Variants in TBC1D32 observed in about 807,000 individuals in gnomAD.
The protein encoded by TBC1D32 is TBC1 domain family member 32, also known as protein broad-minded.
TBC1D32 carries 151 observed loss-of-function variants against 170.3 expected under a neutral mutation model. The observed-to-expected ratio is 0.89, with a 90% CI of 0.78 to 1.01. TBC1D32 has a LOEUF of 1.01. TBC1D32 is among the 50% of genes least tolerant of loss of function. The probability of loss-of-function intolerance (pLI) is 0.00; values close to 1 mark genes in which losing one functional copy is unlikely to be tolerated. For synonymous variants in TBC1D32, 498 were observed against 488.0 expected (o/e 1.02, Z -0.27); for missense variants, 1,464 against 1,457.1 (o/e 1.00, Z -0.08).
intron 3 of TBC1D32, among the ~76,000 whole-genome samples, chr6:121,312,612 C>T (rs935209421): frequency 3.3e-5 from 5 of 152,112 alleles, no homozygotes; most frequent in Admixed American, 1.3e-4. Context: ...ATGTTTACAG[C>T]TAAGGAACCA....
chr6:121,100,040 G>A (rs1422975166), intron 30 of TBC1D32, among the ~76,000 whole-genome samples: 2 of 151,962 alleles, frequency 1.3e-5, no homozygotes, highest in South Asian at 2.1e-4. Context: ...TAGTCATTCA[G>A]GAGCAGATCG....
intron 24 of TBC1D32, among the ~76,000 whole-genome samples, chr6:121,146,367 C>A (rs1010550878): frequency 6.6e-6 from 1 of 152,162 alleles, no homozygotes; most frequent in Non-Finnish European, 1.5e-5. Context: ...TTTCACAAGT[C>A]ACACTGGCAG....
chr6:121,203,108 CAT>C (rs1223414489), intron 22 of TBC1D32, among the ~76,000 whole-genome samples: 1 of 151,172 alleles, frequency 6.6e-6, no homozygotes, highest in Non-Finnish European at 1.5e-5. Flanking sequence ...AAGAGAGAAA[CAT>C]ATGGGTAAAA....
intron 15 of TBC1D32, among the ~76,000 whole-genome samples, chr6:121,273,638 T>TA (rs35856036): frequency 0.19 from 27,095 of 140,576 alleles, 3,341 homozygotes; most frequent in East Asian, 0.64. Context: ...AAGTATAATT[T>TA]AAAAAAAAAA....
rs544847518 is a variant in TBC1D32, at chr6:121,244,208, C to A, written c.2019-1869G>T. On this transcript the variant is annotated intron_variant, in intron 17 of 31. Transcript: ENST00000398212. ...AAAATTTATATAATAAATAAATATA[C>A]AAGTAAAAAAGTATTGTTATTTTTT... Among the ~76,000 whole-genome samples, 3 of 151,506 alleles carry A rather than the reference C, an allele frequency of 2.0e-5. No individual in the cohort carries two copies. In the East Asian group the frequency reaches 5.8e-4, roughly 29 times the overall value.
rs756285985 is a variant in TBC1D32 at position 121,334,382 on chromosome 6, T to TCAGCATCGCCTG, written c.37_48dup (p.Gln13_Leu16dup). 2.3e-5 allele frequency: 37 copies of TCAGCATCGCCTG among 1,614,098 alleles called. No homozygotes were observed. Among genetic ancestry groups the TCAGCATCGCCTG allele is most frequent in the East Asian group, 1.6e-4 (7 of 44,888 alleles). On this transcript the variant is annotated inframe_insertion, in exon 1 of 32. Coordinates refer to ENST00000398212, the MANE Select transcript of TBC1D32 (RefSeq NM_152730.6). ...TCCTTCACGCTCTGGAACAACCGCC[T>TCAGCATCGCCTG]CAGCATCGCCTGCAGCATCGCCTGG... is the stretch of plus-strand genomic sequence containing the variant.
intron 31 of TBC1D32, among the ~76,000 whole-genome samples, chr6:121,083,631 G>A (rs992590556): frequency 6.6e-6 from 1 of 152,016 alleles, no homozygotes; most frequent in Non-Finnish European, 1.5e-5. Flanking sequence ...TGGGACCACT[G>A]AATCTAGGAC....
intron 20 of TBC1D32, among the ~76,000 whole-genome samples, chr6:121,225,146 TGGAGGGTTCATAGTCACCTA>T (rs1483978100): frequency 3.3e-5 from 5 of 152,108 alleles, no homozygotes; most frequent in Non-Finnish European, 7.4e-5. Context: ...GCAGAAAAAC[TGGAGGGTTCATAGTCACCTA>T]GGAAACTACT....
intron 22 of TBC1D32, among the ~76,000 whole-genome samples, chr6:121,176,167 C>T (rs1027139216): frequency 6.6e-6 from 1 of 151,928 alleles, no homozygotes; most frequent in African/African-American, 2.4e-5. Flanking sequence ...TTTTAACAAG[C>T]AGTGAAAAAA....
At chr6:121,093,351 A>G (rs1011789533) in intron 30 of TBC1D32, among the ~76,000 whole-genome samples, 3 of 152,178 alleles carry the variant, frequency 2.0e-5, no homozygotes, top group African/African-American at 7.2e-5. Flanking sequence ...TACTTTGACT[A>G]GAAGCAATAA....
At chr6:121,287,192 A>G (rs1197255101) in intron 12 of TBC1D32, among the ~76,000 whole-genome samples, 1 of 152,200 alleles carries the variant, frequency 6.6e-6, no homozygotes, top group Non-Finnish European at 1.5e-5. Flanking sequence ...GCTCCAATTA[A>G]AAGACACGGA....
At chr6:121,304,331 GT>G in intron 8 of TBC1D32, 33 bp downstream of exon 8, 1 of 1,606,190 alleles carries the variant, frequency 6.2e-7, no homozygotes. Context: ...ACACCGCTAG[GT>G]TTTATGCTGG....
At chr6:121,199,206 T>G (rs1375948191) in intron 22 of TBC1D32, among the ~76,000 whole-genome samples, 1 of 151,382 alleles carries the variant, frequency 6.6e-6, no homozygotes, top group Non-Finnish European at 1.5e-5. Context: ...TATTTATCCA[T>G]AGATATTTAA....
chr6:121,091,646 C>T (rs1455811493), intron 30 of TBC1D32, among the ~76,000 whole-genome samples: 2 of 151,982 alleles, frequency 1.3e-5, no homozygotes, highest in Non-Finnish European at 2.9e-5. Context: ...GCAATGCGTG[C>T]CCACTGTGGA....
chr6:121,085,320 C>T (rs1338617781), intron 31 of TBC1D32, among the ~76,000 whole-genome samples: 1 of 143,690 alleles, frequency 7.0e-6, no homozygotes, highest in Non-Finnish European at 1.5e-5. Flanking sequence ...CATATATACA[C>T]ATATATATAT....
chr6:121,222,225 C>G (rs1448789566), intron 21 of TBC1D32, among the ~76,000 whole-genome samples: 1 of 152,104 alleles, frequency 6.6e-6, no homozygotes, highest in East Asian at 1.9e-4. Flanking sequence ...ACATTTTAGA[C>G]TAAAGTATAG....
intron 23 of TBC1D32, among the ~76,000 whole-genome samples, chr6:121,160,341 T>C (rs1785457775): frequency 6.6e-6 from 1 of 151,944 alleles, no homozygotes; most frequent in Non-Finnish European, 1.5e-5. Context: ...ATATGGTAAC[T>C]TGTAGTAAGC....
intron 24 of TBC1D32, among the ~76,000 whole-genome samples, chr6:121,147,186 G>A (rs77027028): frequency 6.6e-6 from 1 of 152,192 alleles, no homozygotes; most frequent in African/African-American, 2.4e-5. Flanking sequence ...ATTCCATGGT[G>A]AATATGCACC....
At chr6:121,176,540 C>A (rs1006385314) in intron 22 of TBC1D32, among the ~76,000 whole-genome samples, 1 of 152,078 alleles carries the variant, frequency 6.6e-6, no homozygotes, top group African/African-American at 2.4e-5. Flanking sequence ...ACAACACAGT[C>A]AAAATGCACA....
Sources: allele counts gnomAD v4.1 joint callset (sites outside exome capture counted in the v4.1 genomes callset), GRCh38; gene constraint gnomAD v4.1.1; transcripts MANE v1.5; gene names NCBI Gene and HGNC (gene_info 2026-07-23, HGNC 2026-07-21).